The following IL4R variants were observed in gnomAD, a reference collection of about 807,000 sequenced individuals.
IL4R encodes the protein interleukin-4 receptor subunit alpha.
A neutral mutation model predicts 41.5 loss-of-function variants in IL4R; 17 were observed. The observed-to-expected ratio is 0.41, with a 90% confidence interval of 0.28 to 0.61. The LOEUF (loss-of-function observed/expected upper bound fraction) is 0.61. Ranked by LOEUF, IL4R falls within the 20% of genes least tolerant of loss-of-function variation. IL4R has a pLI of 0.31. For synonymous variants in IL4R, 402 were observed against 422.9 expected, an observed-to-expected ratio of 0.95 and a Z score of 0.61; for missense variants, 974 against 1,043.1, an observed-to-expected ratio of 0.93 and a Z score of 0.91.
intron 6 of IL4R, among the ~76,000 whole-genome samples, chr16:27,350,918 A>G (rs2085845739): frequency 6.6e-6 from 1 of 152,168 alleles, no homozygotes; most frequent in Admixed American, 6.5e-5. Flanking sequence ...TATACAAGCA[A>G]ATGTGTGTGT....
At chr16:27,353,625 C>T (rs1207157589) in intron 7 of IL4R, among the ~76,000 whole-genome samples, 1 of 151,996 alleles carries the variant, frequency 6.6e-6, no homozygotes, top group Non-Finnish European at 1.5e-5. Context: ...GGGTCTCTTC[C>T]CTCCATTCTT....
chr16:27,342,969 G>A (rs75688795), intron 4 of IL4R, among the ~76,000 whole-genome samples: 5,815 of 152,254 alleles, frequency 0.038, 338 homozygotes, highest in African/African-American at 0.13. Context: ...TTTACCTGGT[G>A]GGCCCAGACC....
Position 27,363,274 on chromosome 16 carries a change from G to T in IL4R, c.1922G>T (p.Cys641Phe), listed in dbSNP as rs2086370859. 1 of 1,602,342 alleles carries T rather than the reference G, an allele frequency of 6.2e-7. No individual in the cohort carries two copies. The highest frequency in any genetic ancestry group is 1.7e-4 in the Middle Eastern group (1 of 5,998). Residue 641 changes from cysteine to phenylalanine, a missense_variant, in exon 11 of 11, where the codon TGC becomes TTC. This residue lies in a region of IL4R where 682 missense variants were observed against 704.3 expected (regional missense o/e 0.97). Transcript: ENST00000395762. ...CCTTTCCAAGACCTCATTCCTGGCT[G>T]CCCTGGGGACCCTGCCCCAGTCCCT... ...YKPFQDLIPG[C>F]PGDPAPVPVP... is the part of the protein sequence containing the mutation.
chr16:27,362,936 C>G lies in IL4R; in HGVS notation c.1584C>G (p.Pro528=). The change falls in exon 11 of 11, where the codon CCC becomes CCG. Residue 528 remains proline, a synonymous_variant. Transcript: ENST00000395762. ...CCAGACACCTGGAGGAAGTAGAACC[C>G]GAGATGCCCTGTGTCCCCCAGCTCT... ...LLARHLEEVE[P]EMPCVPQLSE... 1 of 1,614,166 alleles carries G rather than the reference C, an allele frequency of 6.2e-7. No homozygotes were observed.
intron 1 of IL4R, chr16:27,314,262 G>A: frequency 2.8e-6 from 1 of 357,570 alleles, no homozygotes; most frequent in Non-Finnish European, 3.9e-6. Flanking sequence ...CCCCAAAGCC[G>A]GTGCTGGCAG....
In IL4R at chr16:27,342,239, G is replaced by A. The variant is rs2085466186; in HGVS notation, c.189G>A (p.Gln63=). The stretch of plus-strand genomic sequence containing the variant: ...GCACCGAGCTCCGCCTGTTGTACCA[G>A]CTGGTTTTTCTGCTCTCCGAGTAAG... The part of the protein sequence containing the change: ...NCSTELRLLY[Q]LVFLLSEAHT... Residue 63 remains glutamine (Q), a synonymous_variant, in exon 4 of 11, where the codon CAG becomes CAA. Coordinates refer to ENST00000395762, the MANE Select transcript of IL4R (RefSeq NM_000418.4). 1.9e-6 allele frequency: 3 copies of A among 1,614,108 alleles called. No individual in the cohort carries two copies. The highest frequency in any genetic ancestry group is 2.5e-6 in the Non-Finnish European group (3 of 1,180,046).
At chr16:27,359,904 G>T in intron 9 of IL4R, 1 of 444,390 alleles carries the variant, frequency 2.3e-6, no homozygotes, top group Non-Finnish European at 4.6e-6. Flanking sequence ...GGCATTTGGG[G>T]CTGGGCTCAG....
intron 2 of IL4R, among the ~76,000 whole-genome samples, chr16:27,339,181 T>C (rs2085356871): frequency 6.6e-6 from 1 of 152,086 alleles, no homozygotes. Flanking sequence ...AAACAATTTT[T>C]CAAAAATTCA....
At chr16:27,343,716 C>G (rs2085519519) in intron 4 of IL4R, among the ~76,000 whole-genome samples, 1 of 152,210 alleles carries the variant, frequency 6.6e-6, no homozygotes, top group Non-Finnish European at 1.5e-5. Flanking sequence ...GCATGAGCCA[C>G]TGAGCCCGGC....
In IL4R at chr16:27,364,052, G is replaced by A. The variant is rs1390914851; in HGVS notation, c.*222G>A. Reference sequence around the variant, plus strand: ...GGGCTCGCCACATCCCATGAGAGTAGAGGGCACTGGGTCGCCGTGCCCCAC... The same window carrying A: ...GGGCTCGCCACATCCCATGAGAGTAAAGGGCACTGGGTCGCCGTGCCCCAC... On this transcript the variant is annotated 3_prime_UTR_variant, in exon 11 of 11. Transcript: ENST00000395762. 1 of 555,844 alleles carries A rather than the reference G, an allele frequency of 1.8e-6. No homozygotes were observed. The highest frequency in any genetic ancestry group is 1.9e-5 in the African/African-American group (1 of 52,884). 34.4% of individuals were successfully genotyped at this position (555,844 alleles called of 1,614,324 possible).
intron 10 of IL4R, 95 bp downstream of exon 10, chr16:27,360,910 C>G (rs2086259521): frequency 6.2e-7 from 1 of 1,609,424 alleles, no homozygotes; most frequent in Non-Finnish European, 8.5e-7. Context: ...CTTCTCTTCC[C>G]TGCATTCGGT....
intron 10 of IL4R, chr16:27,361,078 C>T (rs1367330982): frequency 1.5e-5 from 20 of 1,362,756 alleles, no homozygotes; most frequent in African/African-American, 2.9e-5. Flanking sequence ...GCAGCCGTGC[C>T]TGTTGTTAAA....
chr16:27,346,882 A>T (rs3024577), intron 6 of IL4R, among the ~76,000 whole-genome samples: 1 of 152,090 alleles, frequency 6.6e-6, no homozygotes, highest in African/African-American at 2.4e-5. Flanking sequence ...TGTGGGCCAC[A>T]TCTGTGTTTC....
chr16:27,350,977 C>T (rs2085848084), intron 6 of IL4R, among the ~76,000 whole-genome samples: 1 of 152,212 alleles, frequency 6.6e-6, no homozygotes. Context: ...AATGGTACTA[C>T]CAGCTTCACA....
chr16:27,344,174 G>A (rs185634817), intron 4 of IL4R, among the ~76,000 whole-genome samples: 189 of 151,884 alleles, frequency 1.2e-3, no homozygotes, highest in African/African-American at 4.3e-3. Flanking sequence ...GTGTAGTGGC[G>A]CACACCTGTA....
intron 1 of IL4R, among the ~76,000 whole-genome samples, chr16:27,317,642 G>A (rs75902417): frequency 0.011 from 1,667 of 152,238 alleles, 28 homozygotes; most frequent in African/African-American, 0.034. Context: ...CCAGCAAATT[G>A]CTCTGCGTCT....
In IL4R at chr16:27,344,850, C is replaced by A; in HGVS notation, c.210-19C>A. On this transcript the variant is annotated intron_variant, in intron 4 of 10. Transcript: ENST00000395762. ...CCAGCCTACAGGTGACCAGCCTAACCCAGCCCCTGTGTCTGCAGAGCCCAC... is the reference window on the plus strand; with the variant it reads ...CCAGCCTACAGGTGACCAGCCTAACACAGCCCCTGTGTCTGCAGAGCCCAC... The A allele has an allele frequency of 6.2e-7, 1 of 1,613,518 alleles. No homozygotes were observed. The highest frequency in any genetic ancestry group is 1.1e-5 in the South Asian group (1 of 91,022).
chr16:27,321,542 A>G (rs1332249114), intron 1 of IL4R, among the ~76,000 whole-genome samples: 1 of 152,218 alleles, frequency 6.6e-6, no homozygotes, highest in Non-Finnish European at 1.5e-5. Flanking sequence ...TGTAGCAGCC[A>G]TATCCCACTT....
At chr16:27,344,816 G>C (rs893287811) in intron 4 of IL4R, 53 bp from the exon 5 acceptor site, 1 of 1,588,582 alleles carries the variant, frequency 6.3e-7, no homozygotes, top group Non-Finnish European at 8.6e-7. Flanking sequence ...ACACAGCTGT[G>C]GGGCCCAGCC....
Sources: gnomAD v4.1 joint callset for allele counts (sites outside exome capture counted in the v4.1 genomes callset) on GRCh38, gnomAD v4.1.1 for gene constraint, gnomAD v4.1.1 regional missense constraint, MANE v1.5 for transcripts, NCBI Gene and HGNC (gene_info 2026-07-23, HGNC 2026-07-21) for gene names.